Variants in RASA4B observed in about 807,000 individuals in gnomAD.
The protein encoded by RASA4B is ras GTPase-activating protein 4B.
In RASA4B, 2 loss-of-function variants were observed where a neutral mutation model predicts 24.2. The ratio of observed to expected loss-of-function variants is 0.08; its 90% CI spans 0.03 to 0.26. The LOEUF is 0.26. RASA4B is among the 10% of genes least tolerant of loss of function. The pLI, the probability that RASA4B is intolerant of heterozygous loss-of-function variation, is 1.00. For missense variants in RASA4B, 8 were observed against 277.2 expected (o/e 0.03, Z 6.90); for synonymous variants, 2 against 125.6 (o/e 0.02, Z 6.58).
Position 102,480,042 on chromosome 7 carries a change from C to T in RASA4B, c.*3550G>A, listed in dbSNP as rs183856188. On this transcript the variant is annotated 3_prime_UTR_variant, in exon 21 of 21. Transcript: ENST00000465829. The stretch of plus-strand genomic sequence containing the variant: ...CGCTCTACAATCATAACCTAGGAAA[C>T]ACCAGGCCATACAGAGATAGGAGCT... 6.6e-6 allele frequency among the ~76,000 whole-genome samples: 1 copy of T among 151,718 alleles called. No homozygotes were observed. Among genetic ancestry groups the T allele is most frequent in the African/African-American group, 2.4e-5 (1 of 41,214 alleles).
chr7:102,500,760 G>GCAC lies in RASA4B; in HGVS notation c.673_675dup (p.Val225dup), dbSNP rs1799339914. 1 of 140,836 alleles carries GCAC rather than the reference G, an allele frequency of 7.1e-6. No homozygotes were observed. Among genetic ancestry groups the GCAC allele is most frequent in the Non-Finnish European group, 1.2e-5 (1 of 80,040 alleles). 8.7% of individuals were successfully genotyped at this position (140,836 alleles called of 1,614,324 possible). ...AGCCGGAACCAGCCCTCCTCCTGCT[G>GCAC]CACCACCCGCAGTCTCTGGACATCA... On this transcript the variant is annotated inframe_insertion, in exon 8 of 21. Transcript: ENST00000465829.
rs1295822898 is a variant in RASA4B at position 102,480,357 on chromosome 7, G to A, written c.*3235C>T. On this transcript the variant is annotated 3_prime_UTR_variant, in exon 21 of 21. Coordinates refer to ENST00000465829, the MANE Select transcript of RASA4B (RefSeq NM_001367767.2). Reference sequence around the variant, plus strand: ...TTGGCAGAAGCCAGCAAGGCTTGGGGTTTCCCTGTTTGGAGCTCTCCAAGT... The same window carrying A: ...TTGGCAGAAGCCAGCAAGGCTTGGGATTTCCCTGTTTGGAGCTCTCCAAGT... Among the ~76,000 whole-genome samples the A allele has an allele frequency of 1.3e-5, 2 of 151,540 alleles. No individual in the cohort carries two copies. Among genetic ancestry groups the A allele is most frequent in the Non-Finnish European group, 2.9e-5 (2 of 67,848 alleles).
intron 8 of RASA4B, among the ~76,000 whole-genome samples, chr7:102,498,559 G>C (rs1322870547): frequency 7.1e-6 from 1 of 140,872 alleles, no homozygotes; most frequent in African/African-American, 2.6e-5. Flanking sequence ...GCACCCGGCT[G>C]TTTTCTTGAG....
intron 17 of RASA4B, among the ~76,000 whole-genome samples, chr7:102,489,920 T>TG (rs1798866345): frequency 8.5e-6 from 1 of 118,282 alleles, no homozygotes; most frequent in Non-Finnish European, 1.8e-5. Flanking sequence ...CCCAAGTAGC[T>TG]GGAATCACAG....
At chr7:102,494,374 CG>C (rs1799059353) in intron 14 of RASA4B, among the ~76,000 whole-genome samples, 163 bp downstream of exon 14, 1 of 114,250 alleles carries the variant, frequency 8.8e-6, no homozygotes, top group African/African-American at 2.6e-5. Flanking sequence ...AGATGGAGCT[CG>C]GACAAGGTGG....
At chr7:102,489,598 T>C (rs1329880399) in intron 17 of RASA4B, among the ~76,000 whole-genome samples, 1 of 148,496 alleles carries the variant, frequency 6.7e-6, no homozygotes, top group Non-Finnish European at 1.5e-5. Flanking sequence ...GTTCAAGCGA[T>C]TCTCCTGCCT....
Position 102,482,202 on chromosome 7 carries a change from G to A in RASA4B, c.*1390C>T, listed in dbSNP as rs1798622144. ...GCCCCAAGAGCGGGCACAACGTGTG[G>A]CCTGGGTACCACAGGGCCAGAAGAG... On this transcript the variant is annotated 3_prime_UTR_variant, in exon 21 of 21. Transcript: ENST00000465829. Among the ~76,000 whole-genome samples the A allele has an allele frequency of 6.6e-6, 1 of 150,520 alleles. No homozygotes were observed. Among genetic ancestry groups the A allele is most frequent in the African/African-American group, 2.4e-5 (1 of 41,190 alleles).
intron 17 of RASA4B, among the ~76,000 whole-genome samples, chr7:102,489,749 C>G (rs1240232494): frequency 2.1e-5 from 3 of 144,326 alleles, no homozygotes; most frequent in Admixed American, 7.2e-5. Flanking sequence ...TTAGTCCCTT[C>G]TGGTTCCCTT....
chr7:102,493,583 T>C, intron 15 of RASA4B, among the ~76,000 whole-genome samples: 1 of 42,550 alleles, frequency 2.4e-5, no homozygotes, highest in African/African-American at 3.8e-5. Flanking sequence ...GCGCAGATGA[T>C]GGGGGGGTGA....
intron 1 of RASA4B, among the ~76,000 whole-genome samples, chr7:102,512,831 G>A: frequency 6.7e-6 from 1 of 150,110 alleles, no homozygotes; most frequent in African/African-American, 2.4e-5. Context: ...GAGTAAGAGG[G>A]AGGGAGTAAA....
In RASA4B at chr7:102,481,625, AT is replaced by A. The variant is rs1798610067; in HGVS notation, c.*1966del. ...GGTTGCAGTGAACCAAGATCAAGCC[AT>A]TTGCACTCCAGCCTGGGCAACACAG... is the stretch of plus-strand genomic sequence containing the variant. On this transcript the variant is annotated 3_prime_UTR_variant, in exon 21 of 21. Coordinates refer to ENST00000465829, the MANE Select transcript of RASA4B (RefSeq NM_001367767.2). Among the ~76,000 whole-genome samples, 1 of 99,346 alleles carries A rather than the reference AT, an allele frequency of 1.0e-5. No individual in the cohort carries two copies. The highest frequency in any genetic ancestry group is 2.3e-5 in the Non-Finnish European group (1 of 43,900). The allele number at this position is 99,346 out of a possible 152,430, so 65.2% of individuals were successfully genotyped here. A position where few individuals can be genotyped will look rare whatever the true frequency, so the allele number is the denominator to read the frequency against.
rs1448276007 is a variant in RASA4B, at chr7:102,481,872, G to A, written c.*1720C>T. 8.6e-6 allele frequency among the ~76,000 whole-genome samples: 1 copy of A among 116,146 alleles called. No homozygotes were observed. The highest frequency in any genetic ancestry group is 2.0e-5 in the Non-Finnish European group (1 of 50,788). The allele number at this position is 116,146 out of a possible 152,430, so 76.2% of individuals were successfully genotyped here. On this transcript the variant is annotated 3_prime_UTR_variant, in exon 21 of 21. Transcript: ENST00000465829. ...TAACAGGATAAAGGTGAGGAATGAA[G>A]GAATGAATGGATGCAGGCAGACGTG...
intron 8 of RASA4B, among the ~76,000 whole-genome samples, chr7:102,498,688 C>T (rs1799260476): frequency 1.0e-5 from 1 of 96,820 alleles, no homozygotes. Flanking sequence ...TTACAGGTGC[C>T]CACCACCATT....
chr7:102,490,667 G>A (rs1469792368), intron 17 of RASA4B, among the ~76,000 whole-genome samples: 1 of 152,034 alleles, frequency 6.6e-6, no homozygotes, highest in Non-Finnish European at 1.5e-5. Context: ...AGCTGGTAGC[G>A]GGGCGAGAGG....
intron 8 of RASA4B, among the ~76,000 whole-genome samples, chr7:102,499,191 A>ATATAT (rs1554583910): frequency 2.9e-4 from 25 of 86,362 alleles, no homozygotes; most frequent in Non-Finnish European, 5.9e-4. Context: ...GCTCAAAAAA[A>ATATAT]AAATATATAT....
Position 102,500,799 on chromosome 7 carries a change from GA to G in RASA4B, c.643-7del. ...CTCTGGACATCAATCACCACCTGGG[GA>G]CATAGTGGCAGTTTTCCTGGAGCTG... On this transcript the variant is annotated splice_polypyrimidine_tract_variant and splice_region_variant and intron_variant, in intron 7 of 20. Transcript: ENST00000465829. 1.1e-5 allele frequency: 1 copy of G among 94,010 alleles called. No homozygotes were observed. The highest frequency in any genetic ancestry group is 1.9e-5 in the Non-Finnish European group (1 of 52,386). The allele number at this position is 94,010 out of a possible 1,614,324, so 5.8% of individuals were successfully genotyped here. A position where few individuals can be genotyped will look rare whatever the true frequency, so the allele number is the denominator to read the frequency against.
chr7:102,506,363 C>T (rs1441273810), intron 5 of RASA4B, among the ~76,000 whole-genome samples: 3 of 151,988 alleles, frequency 2.0e-5, no homozygotes, highest in African/African-American at 7.2e-5. Context: ...ACTCCTGCCT[C>T]AGCCTCCTGA....
Position 102,500,714 on chromosome 7 carries a change from C to A in RASA4B, c.722G>T (p.Ser241Ile), listed in dbSNP as rs1799337997. 6.8e-6 allele frequency: 1 copy of A among 146,140 alleles called. No homozygotes were observed. The highest frequency in any genetic ancestry group is 1.2e-5 in the Non-Finnish European group (1 of 81,854). 9.1% of individuals were successfully genotyped at this position (146,140 alleles called of 1,614,324 possible). The change falls in exon 8 of 21, where the codon AGC (serine) becomes ATC (isoleucine). Residue 241 changes from serine (S) to isoleucine (I), a missense_variant. Transcript: ENST00000465829. The stretch of plus-strand genomic sequence containing the variant: ...ATGCACTTACTCGTCATGCCGCCGG[C>A]TCTTGGACTGGTCGGGCTGCAGCCG... ...WFRLQPDQSKSRRHDEGNLGS... is the reference protein window; with the variant it reads ...WFRLQPDQSKIRRHDEGNLGS...
intron 17 of RASA4B, among the ~76,000 whole-genome samples, chr7:102,489,719 C>T (rs1798850357): frequency 6.8e-6 from 1 of 148,136 alleles, no homozygotes; most frequent in African/African-American, 2.5e-5. Context: ...ATACCCCACT[C>T]TCTTCCCTCC....
Sources: allele counts gnomAD v4.1 joint callset (sites outside exome capture counted in the v4.1 genomes callset), GRCh38; gene constraint gnomAD v4.1.1; transcripts MANE v1.5; gene names NCBI Gene and HGNC (gene_info 2026-07-23, HGNC 2026-07-21).